The following NUP210L variants were observed in gnomAD, a reference collection of about 807,000 sequenced individuals.
NUP210L encodes nucleoporin 210 like.
In NUP210L, 74 loss-of-function variants were observed where a neutral mutation model predicts 208.5. That is an observed-to-expected ratio of 0.35 (90% CI 0.29 to 0.43). The LOEUF (loss-of-function observed/expected upper bound fraction) is 0.43, where lower values mean the gene tolerates loss of function less well. NUP210L is among the 20% of genes least tolerant of loss of function. The pLI is 1.00. For missense variants in NUP210L, 1,843 were observed against 2,289.4 expected (o/e 0.81, Z 3.98); for synonymous variants, 780 against 816.9 (o/e 0.95, Z 0.77).
At position 154,046,189 on chromosome 1, in the gene NUP210L, A is replaced by C. The variant is rs775824676; in HGVS notation, c.3576T>G (p.Tyr1192Ter). Residue 1192 changes from tyrosine (Y) to a stop codon, truncating the protein, a stop_gained, in exon 27 of 40, where the codon TAT becomes TAG. Coordinates refer to ENST00000368559, the Ensembl canonical transcript of NUP210L. LOFTEE classifies it high-confidence loss of function. ...TCTGGGTACTGGTTACTCCCATGACATAAACTGGCATCTGAAAATAAATAG... is the reference window on the plus strand; with the variant it reads ...TCTGGGTACTGGTTACTCCCATGACCTAAACTGGCATCTGAAAATAAATAG... The C allele has an allele frequency of 4.2e-5, 67 of 1,614,038 alleles. No homozygotes were observed. Among genetic ancestry groups the C allele is most frequent in the Non-Finnish European group, 5.3e-5 (63 of 1,180,016 alleles).
chr1:154,145,633 T>C (rs900690546), intron 2 of NUP210L, among the ~76,000 whole-genome samples: 2 of 152,126 alleles, frequency 1.3e-5, no homozygotes, highest in Non-Finnish European at 2.9e-5. Flanking sequence ...AAATACGTCA[T>C]AGATAATGAA....
chr1:154,142,606 C>T (rs544968990), intron 3 of NUP210L, among the ~76,000 whole-genome samples: 6 of 152,138 alleles, frequency 3.9e-5, no homozygotes, highest in African/African-American at 1.2e-4. Flanking sequence ...AAGAAAAGTT[C>T]GGAGGCCAGT....
chr1:154,135,770 C>A, intron 7 of NUP210L, 44 bp downstream of exon 7: 2 of 1,542,960 alleles, frequency 1.3e-6, no homozygotes, highest in African/African-American at 1.4e-5. Flanking sequence ...CTAGGATGCT[C>A]AAGGAAGTGT....
At chr1:154,110,294 T>G in intron 12 of NUP210L, among the ~76,000 whole-genome samples, 1 of 149,970 alleles carries the variant, frequency 6.7e-6, no homozygotes, top group Non-Finnish European at 1.5e-5. Context: ...TTTTTTTTTT[T>G]GACAGTCTTG....
chr1:154,103,183 C>T (rs1243465092), intron 13 of NUP210L, among the ~76,000 whole-genome samples: 2 of 148,560 alleles, frequency 1.3e-5, no homozygotes, highest in Admixed American at 1.4e-4. Context: ...CACCTGAGGT[C>T]AGGAGTTCAA....
chr1:154,082,367 G>A (rs549624124), intron 16 of NUP210L, among the ~76,000 whole-genome samples: 1 of 152,148 alleles, frequency 6.6e-6, no homozygotes, highest in Non-Finnish European at 1.5e-5. Context: ...CTATTAAAAA[G>A]ATGTAACAAT....
At chr1:154,095,784 T>C (rs1232852535) in intron 14 of NUP210L, among the ~76,000 whole-genome samples, 1 of 152,194 alleles carries the variant, frequency 6.6e-6, no homozygotes, top group Non-Finnish European at 1.5e-5. Context: ...ACCATATTTC[T>C]CCAAGAACTT....
chr1:154,054,146 C>T (rs375083649), intron 25 of NUP210L, 82 bp downstream of exon 25: 6 of 1,442,402 alleles, frequency 4.2e-6, no homozygotes, highest in East Asian at 4.6e-5. Context: ...TGACACCCTC[C>T]TCATTACCAC....
intron 17 of NUP210L, among the ~76,000 whole-genome samples, chr1:154,067,202 C>T (rs1654465648): frequency 2.0e-5 from 3 of 152,138 alleles, no homozygotes; most frequent in African/African-American, 7.2e-5. Flanking sequence ...CAATAAAATA[C>T]TGGCAAACCG....
chr1:153,995,185 A>T lies in NUP210L; in HGVS notation c.5387-5T>A, dbSNP rs756344626. 1 of 1,596,344 alleles carries T rather than the reference A, an allele frequency of 6.3e-7. No homozygotes were observed. The highest frequency in any genetic ancestry group is 1.1e-5 in the South Asian group (1 of 90,012). ...TGGCGGAATCTTCACAGTGATCTAT[A>T]CATTGGCCATAACAAAACAAGATAA... is the stretch of plus-strand genomic sequence containing the variant. On this transcript the variant is annotated splice_polypyrimidine_tract_variant and splice_region_variant and intron_variant, in intron 37 of 39. Transcript: ENST00000368559.
chr1:154,086,998 T>C (rs1315863019), intron 16 of NUP210L, among the ~76,000 whole-genome samples: 5 of 151,862 alleles, frequency 3.3e-5, no homozygotes, highest in African/African-American at 9.7e-5. Flanking sequence ...AAAGAAGATA[T>C]ACAAATGGCC....
Position 154,070,513 on chromosome 1 carries a change from C to T in NUP210L, c.2362-48G>A, listed in dbSNP as rs1483738621. ...AAAACAACAATTTAAAAATCAATAGCCTAAGGGGTAGTAAGATATCTCTAA... is the reference window on the plus strand; with the variant it reads ...AAAACAACAATTTAAAAATCAATAGTCTAAGGGGTAGTAAGATATCTCTAA... On this transcript the variant is annotated intron_variant, in intron 16 of 39. Transcript: ENST00000368559. 4.9e-6 allele frequency: 6 copies of T among 1,223,234 alleles called. No individual in the cohort carries two copies. The South Asian group carries it at 8.7e-5, about 18-fold the overall frequency. The allele number at this position is 1,223,234 out of a possible 1,614,324, so 75.8% of individuals were successfully genotyped here.
intron 13 of NUP210L, among the ~76,000 whole-genome samples, chr1:154,102,497 A>G (rs1656519876): frequency 6.6e-6 from 1 of 152,108 alleles, no homozygotes; most frequent in Non-Finnish European, 1.5e-5. Context: ...GATCACTTGA[A>G]CCCGGGAGTG....
At chr1:154,042,477 A>C (rs1652938453) in intron 27 of NUP210L, among the ~76,000 whole-genome samples, 1 of 151,918 alleles carries the variant, frequency 6.6e-6, no homozygotes, top group Non-Finnish European at 1.5e-5. Context: ...CCCAGGCTGG[A>C]GTGCAGTGGC....
At chr1:154,055,285 C>G (rs532015992) in intron 23 of NUP210L, among the ~76,000 whole-genome samples, 1 of 151,438 alleles carries the variant, frequency 6.6e-6, no homozygotes, top group East Asian at 1.9e-4. Flanking sequence ...GAGTTTCGCT[C>G]TGTCACCCAG....
At chr1:154,018,370 C>A (rs1279782973) in intron 33 of NUP210L, among the ~76,000 whole-genome samples, 5 of 152,120 alleles carry the variant, frequency 3.3e-5, no homozygotes, top group African/African-American at 1.2e-4. Flanking sequence ...CTCAACATAT[C>A]CAGTTGACAT....
chr1:154,092,408 C>T (rs192285502), intron 15 of NUP210L, among the ~76,000 whole-genome samples: 9 of 150,620 alleles, frequency 6.0e-5, no homozygotes, highest in Non-Finnish European at 1.0e-4. Context: ...CTCACTCTGT[C>T]GCCCAGGCTG....
At chr1:154,032,207 T>A (rs1442539779) in intron 27 of NUP210L, among the ~76,000 whole-genome samples, 1 of 152,206 alleles carries the variant, frequency 6.6e-6, no homozygotes, top group African/African-American at 2.4e-5. Context: ...TCCTTTCTTT[T>A]GGGTATATGT....
chr1:154,121,109 C>T (rs1474988756), intron 10 of NUP210L, among the ~76,000 whole-genome samples: 2 of 152,000 alleles, frequency 1.3e-5, no homozygotes, highest in Non-Finnish European at 2.9e-5. Context: ...TTTTCTTTCC[C>T]CACACTATCC....
Sources: gnomAD v4.1 joint callset for allele counts (sites outside exome capture counted in the v4.1 genomes callset) on GRCh38, gnomAD v4.1.1 for gene constraint, MANE v1.5 for transcripts, NCBI Gene and HGNC (gene_info 2026-07-23, HGNC 2026-07-21) for gene names.